ADAMTS17: variants seen among roughly 807,000 people sequenced by gnomAD.
ADAMTS17 encodes the protein A disintegrin and metalloproteinase with thrombospondin motifs 17.
A neutral mutation model predicts 141.5 loss-of-function variants in ADAMTS17; 113 were observed. The observed-to-expected ratio is 0.80, with a 90% CI of 0.69 to 0.93. The LOEUF (loss-of-function observed/expected upper bound fraction) is 0.93, where lower values mean the gene tolerates loss of function less well. Among genes scored for constraint, ADAMTS17 ranks in the 40% least tolerant of loss-of-function variants. ADAMTS17 has a pLI of 0.00. For synonymous variants in ADAMTS17, 768 were observed against 630.6 expected, an observed-to-expected ratio of 1.22 and a Z score of -3.27; for missense variants, 1,659 against 1,517.9, an observed-to-expected ratio of 1.09 and a Z score of -1.54.
Position 99,997,199 on chromosome 15 carries a change from A to G in ADAMTS17, c.2796+186T>C, listed in dbSNP as rs1314469566. ...TGTTGACATGTACATCATCAGAGAC[A>G]TGGTATCTATGTTTCCGCAGCCAGG... On this transcript the variant is annotated intron_variant, in intron 19 of 21. Transcript: ENST00000268070. This position sits in a 1 kb window ranked among gnomAD's most constrained non-coding sequence, Gnocchi z 4.7. 6.6e-6 allele frequency among the ~76,000 whole-genome samples: 1 copy of G among 152,258 alleles called. No individual in the cohort carries two copies. The highest frequency in any genetic ancestry group is 1.5e-5 in the Non-Finnish European group (1 of 68,042).
At chr15:100,055,537 C>A (rs994976491) in intron 15 of ADAMTS17, among the ~76,000 whole-genome samples, 4 of 152,146 alleles carry the variant, frequency 2.6e-5, no homozygotes, top group Non-Finnish European at 4.4e-5. Flanking sequence ...AACTTTCCAG[C>A]AGAGTGGCTT....
At chr15:100,123,186 T>C (rs1046086610) in intron 12 of ADAMTS17, among the ~76,000 whole-genome samples, 1 of 151,950 alleles carries the variant, frequency 6.6e-6, no homozygotes, top group Non-Finnish European at 1.5e-5. Context: ...AGGGACCAGA[T>C]CCCCAAAAGC....
chr15:100,078,924 C>T (rs916858752), intron 15 of ADAMTS17, among the ~76,000 whole-genome samples: 1 of 151,840 alleles, frequency 6.6e-6, no homozygotes, highest in Non-Finnish European at 1.5e-5. Flanking sequence ...GGCACTTCCG[C>T]AAAAAAGATA....
chr15:100,318,610 T>C (rs2045637922), intron 3 of ADAMTS17, among the ~76,000 whole-genome samples: 1 of 152,200 alleles, frequency 6.6e-6, no homozygotes, highest in Non-Finnish European at 1.5e-5. Context: ...TTTCTGTTGT[T>C]TATGAACTAT....
intron 7 of ADAMTS17, among the ~76,000 whole-genome samples, chr15:100,236,295 A>AAAAC (rs1555490220): frequency 1.3e-5 from 2 of 151,180 alleles, no homozygotes; most frequent in African/African-American, 4.9e-5. Flanking sequence ...AAAAAAAAAA[A>AAAAC]AAAAACCCTA....
At chr15:100,224,788 G>A (rs1405902030) in intron 7 of ADAMTS17, among the ~76,000 whole-genome samples, 1 of 152,234 alleles carries the variant, frequency 6.6e-6, no homozygotes, top group Non-Finnish European at 1.5e-5. Flanking sequence ...CACTTCCAGA[G>A]AGAGCCTCCG....
At position 100,152,592 on chromosome 15, in the gene ADAMTS17, G is replaced by A; in HGVS notation, c.1473+20C>T. 6.3e-7 allele frequency: 1 copy of A among 1,592,948 alleles called. No individual in the cohort carries two copies. Among genetic ancestry groups the A allele is most frequent in the Non-Finnish European group, 8.6e-7 (1 of 1,168,800 alleles). On this transcript the variant is annotated intron_variant, in intron 10 of 21. Coordinates refer to ENST00000268070, the MANE Select transcript of ADAMTS17 (RefSeq NM_139057.4). ...TGGATCCATGCTCTGTCCCGAGCCA[G>A]CCCTCCCACGGCTGCTTACCTCCAT...
At chr15:100,325,472 A>G (rs761955252) in intron 3 of ADAMTS17, among the ~76,000 whole-genome samples, 11 of 152,186 alleles carry the variant, frequency 7.2e-5, no homozygotes, top group Non-Finnish European at 1.5e-4. Flanking sequence ...AGGACGGCCA[A>G]TACGGTTTGG....
chr15:100,321,693 A>G (rs2045738662), intron 3 of ADAMTS17, among the ~76,000 whole-genome samples: 1 of 152,234 alleles, frequency 6.6e-6, no homozygotes, highest in African/African-American at 2.4e-5. Context: ...CTGCCTCACA[A>G]CTTACAAAGC....
At chr15:100,197,978 A>AACACATGG (rs2041184148) in intron 8 of ADAMTS17, among the ~76,000 whole-genome samples, 1 of 152,200 alleles carries the variant, frequency 6.6e-6, no homozygotes, top group African/African-American at 2.4e-5. Context: ...GAACAATGAG[A>AACACATGG]ACACATGGAC....
rs927967582 is a variant in ADAMTS17 at position 100,339,218 on chromosome 15, G to A, written c.450+1821C>T. 9.4e-6 allele frequency: 9 copies of A among 954,642 alleles called. No homozygotes were observed. The African/African-American group carries it at 1.6e-4, about 17-fold the overall frequency. The allele number at this position is 954,642 out of a possible 1,614,324, so 59.1% of individuals were successfully genotyped here. On this transcript the variant is annotated intron_variant, in intron 2 of 21. Coordinates refer to ENST00000268070, the MANE Select transcript of ADAMTS17 (RefSeq NM_139057.4). ...GAAGGACAGTCTTGCCGAGAAGCTG[G>A]CTGAGATGCCATCTATGACAGGGCC...
chr15:100,203,205 G>A (rs887786910), intron 7 of ADAMTS17, among the ~76,000 whole-genome samples: 1 of 152,140 alleles, frequency 6.6e-6, no homozygotes, highest in African/African-American at 2.4e-5. Flanking sequence ...CCTAAATGGT[G>A]GCTCACTCCA....
At chr15:100,210,281 G>A (rs536507160) in intron 7 of ADAMTS17, among the ~76,000 whole-genome samples, 1 of 151,620 alleles carries the variant, frequency 6.6e-6, no homozygotes, top group South Asian at 2.1e-4. Flanking sequence ...GAACAGGGAG[G>A]GGTAAGTAAT....
At chr15:100,061,658 A>G (rs764805928) in intron 15 of ADAMTS17, among the ~76,000 whole-genome samples, 2 of 152,054 alleles carry the variant, frequency 1.3e-5, no homozygotes, top group Non-Finnish European at 2.9e-5. Context: ...TTAGGAAGAC[A>G]CTCCTATCGC....
chr15:100,055,942 A>C (rs1199201987), intron 15 of ADAMTS17, among the ~76,000 whole-genome samples: 2 of 152,194 alleles, frequency 1.3e-5, no homozygotes, highest in African/African-American at 4.8e-5. Flanking sequence ...TGGAGACCTG[A>C]ATCCAACAGA....
chr15:100,120,115 A>T (rs2037378440), intron 12 of ADAMTS17, among the ~76,000 whole-genome samples: 1 of 152,184 alleles, frequency 6.6e-6, no homozygotes, highest in African/African-American at 2.4e-5. Flanking sequence ...TGACCAACAG[A>T]GGGAATGATG....
chr15:100,075,216 T>G (rs73474485), intron 15 of ADAMTS17, among the ~76,000 whole-genome samples: 9 of 152,172 alleles, frequency 5.9e-5, no homozygotes, highest in African/African-American at 1.7e-4. Flanking sequence ...TGTATTAGTT[T>G]GTCATATTTA....
At chr15:99,975,567 G>T (rs557555680) in intron 21 of ADAMTS17, among the ~76,000 whole-genome samples, 1 of 152,228 alleles carries the variant, frequency 6.6e-6, no homozygotes, top group South Asian at 2.1e-4. Context: ...GCATGAACTG[G>T]TAAGAGGCCA....
chr15:100,229,593 G>A (rs1177350293), intron 7 of ADAMTS17, among the ~76,000 whole-genome samples: 1 of 152,114 alleles, frequency 6.6e-6, no homozygotes, highest in African/African-American at 2.4e-5. Context: ...CCAGTCTCCT[G>A]GCTGCAGTCC....
Sources: gnomAD v4.1 joint callset for allele counts (sites outside exome capture counted in the v4.1 genomes callset) on GRCh38, gnomAD v4.1.1 for gene constraint, Gnocchi (gnomAD v3.1) non-coding constraint, MANE v1.5 for transcripts, NCBI Gene and HGNC (gene_info 2026-07-23, HGNC 2026-07-21) for gene names.